Variants in SUGCT observed in about 807,000 individuals in gnomAD.
The protein encoded by SUGCT is succinyl-CoA:glutarate CoA-transferase.
In SUGCT, 41 loss-of-function variants were observed where a neutral mutation model predicts 55.0. The observed-to-expected ratio is 0.74, with a 90% CI of 0.58 to 0.97. The LOEUF is 0.97. Among genes scored for constraint, SUGCT ranks in the 50% least tolerant of loss-of-function variants. SUGCT has a pLI of 0.00. For missense variants in SUGCT, 568 were observed against 547.8 expected, an observed-to-expected ratio of 1.04 and a Z score of -0.37; for synonymous variants, 187 against 200.4, an observed-to-expected ratio of 0.93 and a Z score of 0.56.
chr7:40,355,400 T>C (rs571463628), intron 9 of SUGCT, among the ~76,000 whole-genome samples: 17 of 152,334 alleles, frequency 1.1e-4, no homozygotes, highest in African/African-American at 3.8e-4. Context: ...TTTTGTAACC[T>C]GTAGGTAACC....
At chr7:40,157,743 A>G (rs1783966874) in intron 1 of SUGCT, among the ~76,000 whole-genome samples, 1 of 152,194 alleles carries the variant, frequency 6.6e-6, no homozygotes. Context: ...GTGGAAAAGT[A>G]AATGCTTCTG....
chr7:40,395,489 CAAAAAAAAAAAAAA>C (rs36068766), intron 9 of SUGCT, among the ~76,000 whole-genome samples: 1 of 46,132 alleles, frequency 2.2e-5, no homozygotes, highest in Non-Finnish European at 4.4e-5. Context: ...AACTCTGTCT[CAAAAAAAAAAAAAA>C]AAAAAAAAAA....
chr7:40,165,082 C>T (rs569235279), intron 1 of SUGCT, among the ~76,000 whole-genome samples: 6 of 152,264 alleles, frequency 3.9e-5, no homozygotes, highest in Non-Finnish European at 7.4e-5. Context: ...ATTAAGAGAG[C>T]ATGCTTTGAA....
downstream of SUGCT, among the ~76,000 whole-genome samples, chr7:40,863,977 C>A (rs769894768): frequency 3.9e-5 from 6 of 152,058 alleles, no homozygotes; most frequent in Non-Finnish European, 7.4e-5. Flanking sequence ...ATTAAAAACC[C>A]ATCACAGAGG....
At chr7:41,023,962 C>T in the SUGCT span, among the ~76,000 whole-genome samples, 10 of 152,152 alleles carry the variant, frequency 6.6e-5, no homozygotes, top group East Asian at 1.5e-3. Context: ...GTGAACTTCC[C>T]GTATTAGGCA....
At chr7:40,188,953 A>T (rs1785712876) in intron 4 of SUGCT, among the ~76,000 whole-genome samples, 1 of 152,212 alleles carries the variant, frequency 6.6e-6, no homozygotes, top group Admixed American at 6.6e-5. Flanking sequence ...CCTCATGGTA[A>T]ATAGAATCAG....
chr7:40,858,241 TA>T (rs1483875594), intron 13 of SUGCT, among the ~76,000 whole-genome samples: 1 of 151,628 alleles, frequency 6.6e-6, no homozygotes, highest in Non-Finnish European at 1.5e-5. Flanking sequence ...CCGTCTCTAC[TA>T]AAAATACAAA....
chr7:40,253,211 G>A (rs1790562538), intron 7 of SUGCT, among the ~76,000 whole-genome samples: 1 of 152,112 alleles, frequency 6.6e-6, no homozygotes, highest in African/African-American at 2.4e-5. Context: ...TGTGAAGATG[G>A]TACCTATTAA....
chr7:40,181,867 G>T (rs189753592), intron 2 of SUGCT, 88 bp from the exon 3 acceptor site: 1 of 787,192 alleles, frequency 1.3e-6, no homozygotes, highest in Admixed American at 2.3e-5. Flanking sequence ...TTATATGAGC[G>T]TGTCTGTGTT....
At chr7:40,338,519 CT>C (rs1796847964) in intron 9 of SUGCT, among the ~76,000 whole-genome samples, 1 of 152,174 alleles carries the variant, frequency 6.6e-6, no homozygotes, top group Non-Finnish European at 1.5e-5. Flanking sequence ...CACTGATAGC[CT>C]TTCTTCCAGT....
chr7:40,828,672 T>C (rs1224795915), intron 13 of SUGCT, among the ~76,000 whole-genome samples: 12 of 149,536 alleles, frequency 8.0e-5, no homozygotes, highest in Admixed American at 8.0e-4. Context: ...TTGAAAAACA[T>C]ACAAAATTGT....
intron 13 of SUGCT, among the ~76,000 whole-genome samples, chr7:40,856,496 A>AAG (rs1343343527): frequency 1.3e-5 from 2 of 152,214 alleles, no homozygotes; most frequent in Non-Finnish European, 2.9e-5. Context: ...TGTGCAGGAC[A>AAG]GTACATGAAA....
At chr7:40,970,982 G>T in the SUGCT span, among the ~76,000 whole-genome samples, 2 of 152,208 alleles carry the variant, frequency 1.3e-5, no homozygotes, top group Non-Finnish European at 2.9e-5. Context: ...CAGGGTTAAA[G>T]GAGTGTGTGT....
intron 13 of SUGCT, among the ~76,000 whole-genome samples, chr7:40,856,519 G>T (rs1350319140): frequency 6.6e-6 from 1 of 152,054 alleles, no homozygotes; most frequent in Admixed American, 6.5e-5. Context: ...ATGAGAAGCT[G>T]AACACCTAGT....
chr7:40,707,323 G>A (rs929436761), intron 12 of SUGCT, among the ~76,000 whole-genome samples: 1 of 151,414 alleles, frequency 6.6e-6, no homozygotes, highest in Non-Finnish European at 1.5e-5. Flanking sequence ...CATTTGTTTC[G>A]GAAGGTGTTT....
intron 9 of SUGCT, among the ~76,000 whole-genome samples, chr7:40,428,971 T>C (rs1787746371): frequency 6.6e-6 from 1 of 152,198 alleles, no homozygotes; most frequent in African/African-American, 2.4e-5. Flanking sequence ...CTGGGACAGT[T>C]CTTATTTCTC....
At chr7:40,167,397 A>C (rs1784472513) in intron 1 of SUGCT, among the ~76,000 whole-genome samples, 1 of 152,214 alleles carries the variant, frequency 6.6e-6, no homozygotes, top group East Asian at 1.9e-4. Context: ...GGAAAGTTTT[A>C]GGTGCTAGAA....
At position 40,736,756 on chromosome 7, in the gene SUGCT, G is replaced by GA. The variant is rs564286599; in HGVS notation, c.1090-12670dup. On this transcript the variant is annotated intron_variant, in intron 12 of 13. Transcript: ENST00000335693. Reference sequence around the variant, plus strand: ...ACCAATACAAATCTTTTAGAAGAAAGAAAAAAAATAAAGAAAAAAATATCT... The same window carrying GA: ...ACCAATACAAATCTTTTAGAAGAAAGAAAAAAAAATAAAGAAAAAAATATCT... 4.1e-3 allele frequency among the ~76,000 whole-genome samples: 623 copies of GA among 150,906 alleles called. 2 individuals carry two copies. The highest frequency in any genetic ancestry group is 0.014 in the African/African-American group (566 of 41,178).
chr7:40,279,702 C>G (rs1030117347), intron 8 of SUGCT, among the ~76,000 whole-genome samples: 1 of 151,966 alleles, frequency 6.6e-6, no homozygotes, highest in African/African-American at 2.4e-5. Flanking sequence ...TGACTGACTT[C>G]AATTTGTCTT....
Sources: allele counts gnomAD v4.1 joint callset (sites outside exome capture counted in the v4.1 genomes callset), GRCh38; gene constraint gnomAD v4.1.1; transcripts MANE v1.5; gene names NCBI Gene and HGNC (gene_info 2026-07-23, HGNC 2026-07-21).